ADGRG7: variants seen among roughly 807,000 people sequenced by gnomAD.
ADGRG7 encodes the protein adhesion G protein-coupled receptor G7.
A neutral mutation model predicts 88.6 loss-of-function variants in ADGRG7; 82 were observed. The observed-to-expected ratio is 0.93, with a 90% CI of 0.77 to 1.11. The LOEUF is 1.11. ADGRG7 is among the 50% of genes most tolerant of loss of function. The pLI, the probability that ADGRG7 is intolerant of heterozygous loss-of-function variation, is 0.00. For missense variants in ADGRG7, 945 were observed against 953.4 expected (o/e 0.99, Z 0.12); for synonymous variants, 381 against 345.2 (o/e 1.10, Z -1.15).
At chr3:100,663,855 A>T (rs974166969) in intron 14 of ADGRG7, among the ~76,000 whole-genome samples, 2 of 152,014 alleles carry the variant, frequency 1.3e-5, no homozygotes, top group African/African-American at 4.8e-5. Context: ...TCCTTGCTTT[A>T]TGCCAAGAAT....
intron 6 of ADGRG7, among the ~76,000 whole-genome samples, chr3:100,638,464 A>G (rs1707583762): frequency 1.3e-5 from 2 of 152,114 alleles, no homozygotes; most frequent in Admixed American, 1.3e-4. Flanking sequence ...CTTCCCTACC[A>G]GCTGAGTCTG....
At chr3:100,624,152 C>A (rs1707350530) in intron 1 of ADGRG7, among the ~76,000 whole-genome samples, 1 of 152,176 alleles carries the variant, frequency 6.6e-6, no homozygotes, top group African/African-American at 2.4e-5. Flanking sequence ...TACACTCCCA[C>A]CAACAGTGTA....
intron 15 of ADGRG7, among the ~76,000 whole-genome samples, chr3:100,676,813 T>C (rs971393301): frequency 2.0e-5 from 3 of 152,104 alleles, no homozygotes; most frequent in Non-Finnish European, 4.4e-5. Flanking sequence ...TTTACAATTG[T>C]TATATCCTCT....
chr3:100,686,877 A>G (rs1472385218), intron 15 of ADGRG7, among the ~76,000 whole-genome samples: 2 of 152,138 alleles, frequency 1.3e-5, no homozygotes, highest in Non-Finnish European at 2.9e-5. Context: ...TTGGTTCCAT[A>G]TGAACGAACT....
At chr3:100,610,091 G>T in intron 1 of ADGRG7, 120 bp downstream of exon 1, 2 of 713,236 alleles carry the variant, frequency 2.8e-6, no homozygotes, top group Non-Finnish European at 2.4e-6. Flanking sequence ...CCACCAAGGT[G>T]CCATTTATGG....
chr3:100,692,794 T>G (rs4928082), intron 15 of ADGRG7, among the ~76,000 whole-genome samples: 39,117 of 151,898 alleles, frequency 0.26, 5,635 homozygotes, highest in East Asian at 0.53. Flanking sequence ...ACATCAGAAC[T>G]TACATAGTAT....
At chr3:100,629,281 C>CTATCTATA (rs1213204120) in intron 1 of ADGRG7, among the ~76,000 whole-genome samples, 1 of 151,660 alleles carries the variant, frequency 6.6e-6, no homozygotes, top group Non-Finnish European at 1.5e-5. Flanking sequence ...ATCTATCTAT[C>CTATCTATA]TATCTATCTA....
intron 15 of ADGRG7, among the ~76,000 whole-genome samples, chr3:100,686,923 A>T (rs1020924908): frequency 6.6e-5 from 10 of 152,322 alleles, no homozygotes; most frequent in African/African-American, 2.4e-4. Context: ...GAAGAAAGTC[A>T]TTGGTAGCTT....
chr3:100,690,842 C>T (rs1021156274), intron 15 of ADGRG7, among the ~76,000 whole-genome samples: 22 of 152,218 alleles, frequency 1.4e-4, no homozygotes, highest in African/African-American at 5.3e-4. Context: ...GGCAGTCTGC[C>T]CGTTCTCAGA....
chr3:100,632,481 G>A (rs1405039872), intron 3 of ADGRG7, among the ~76,000 whole-genome samples: 1 of 152,060 alleles, frequency 6.6e-6, no homozygotes, highest in Non-Finnish European at 1.5e-5. Flanking sequence ...AGGTAACATT[G>A]AGGAAAAGAT....
In ADGRG7 at chr3:100,646,613, T is replaced by C. The variant is rs377378152; in HGVS notation, c.1155T>C (p.Tyr385=). ...AACTCTATTCCTATGCCTGTGTCTA[T>C]TGGAATTTGTCAGCGAAGGACTGGG... ...EFQLYSYACV[Y]WNLSAKDWDT... Residue 385 remains tyrosine, a synonymous_variant, in exon 10 of 16, where the codon TAT becomes TAC. Transcript: ENST00000273352. The C allele has an allele frequency of 6.2e-7, 1 of 1,614,106 alleles. No homozygotes were observed. The highest frequency in any genetic ancestry group is 8.5e-7 in the Non-Finnish European group (1 of 1,179,928).
At chr3:100,654,416 ACTATTGTGT>A (rs1287226718) in intron 11 of ADGRG7, 1 of 158,582 alleles carries the variant, frequency 6.3e-6, no homozygotes, top group African/African-American at 2.4e-5. Context: ...AACACTAAGC[ACTATTGTGT>A]CTAATGCATA....
chr3:100,666,172 G>A (rs2149033692), intron 14 of ADGRG7, among the ~76,000 whole-genome samples: 1 of 152,090 alleles, frequency 6.6e-6, no homozygotes, highest in South Asian at 2.1e-4. Context: ...CACACCTGTG[G>A]GTGTTTCTCG....
chr3:100,693,205 G>T (rs911939148), intron 15 of ADGRG7, among the ~76,000 whole-genome samples: 2 of 152,150 alleles, frequency 1.3e-5, no homozygotes, highest in African/African-American at 4.8e-5. Flanking sequence ...TGTACCAACA[G>T]AAATTTGATC....
chr3:100,693,778 T>C (rs1415876065), intron 15 of ADGRG7, among the ~76,000 whole-genome samples: 1 of 152,224 alleles, frequency 6.6e-6, no homozygotes, highest in African/African-American at 2.4e-5. Flanking sequence ...CATAGTATAC[T>C]GTCAAAATCA....
intron 15 of ADGRG7, among the ~76,000 whole-genome samples, chr3:100,670,405 C>T (rs947389313): frequency 1.3e-5 from 2 of 152,200 alleles, no homozygotes; most frequent in Non-Finnish European, 2.9e-5. Flanking sequence ...TTTATCCATT[C>T]GTCTGTTGAT....
intron 15 of ADGRG7, among the ~76,000 whole-genome samples, chr3:100,674,906 T>A (rs1339106713): frequency 6.6e-6 from 1 of 152,236 alleles, no homozygotes; most frequent in Non-Finnish European, 1.5e-5. Flanking sequence ...TGTTTGATGT[T>A]GGCATATAGA....
At chr3:100,616,383 C>G (rs1408691376) in intron 1 of ADGRG7, among the ~76,000 whole-genome samples, 1 of 151,094 alleles carries the variant, frequency 6.6e-6, no homozygotes, top group Non-Finnish European at 1.5e-5. Flanking sequence ...CTTTAAAATA[C>G]AGGAGAAAAA....
At chr3:100,673,386 T>G (rs1370085436) in intron 15 of ADGRG7, among the ~76,000 whole-genome samples, 3 of 152,160 alleles carry the variant, frequency 2.0e-5, no homozygotes, top group Admixed American at 6.5e-5. Flanking sequence ...GATGGTAGTT[T>G]GTATGTTTGT....
Sources: gnomAD v4.1 joint callset for allele counts (sites outside exome capture counted in the v4.1 genomes callset) on GRCh38, gnomAD v4.1.1 for gene constraint, MANE v1.5 for transcripts, NCBI Gene and HGNC (gene_info 2026-07-23, HGNC 2026-07-21) for gene names.